The following ZNF541 variants were observed in gnomAD, a reference collection of about 807,000 sequenced individuals.
The protein encoded by ZNF541 is zinc finger protein 541.
A neutral mutation model predicts 123.5 loss-of-function variants in ZNF541; 23 were observed. The ratio of observed to expected loss-of-function variants is 0.19; its 90% CI spans 0.13 to 0.26. The LOEUF (loss-of-function observed/expected upper bound fraction) is 0.26, where lower values mean the gene tolerates loss of function less well. ZNF541 is among the 10% of genes least tolerant of loss of function. The pLI, the probability that ZNF541 is intolerant of heterozygous loss-of-function variation, is 1.00. For synonymous variants in ZNF541, 751 were observed against 754.5 expected, an observed-to-expected ratio of 1.00 and a Z score of 0.08; for missense variants, 1,612 against 1,789.9, an observed-to-expected ratio of 0.90 and a Z score of 1.79.
chr19:47,572,896 G>A (rs1207688382), intron 1 of ZNF541, among the ~76,000 whole-genome samples, 187 bp downstream of exon 1: 1 of 152,038 alleles, frequency 6.6e-6, no homozygotes. Context: ...ATGCGTGCGT[G>A]ACGCAGGGTG....
At chr19:47,547,159 C>A (rs1255182952) in intron 4 of ZNF541, among the ~76,000 whole-genome samples, 4 of 152,126 alleles carry the variant, frequency 2.6e-5, no homozygotes, top group African/African-American at 9.7e-5. Flanking sequence ...CAGAATTCTG[C>A]AGAATAGACT....
At chr19:47,557,091 A>G (rs1198670457) in intron 2 of ZNF541, among the ~76,000 whole-genome samples, 1 of 152,168 alleles carries the variant, frequency 6.6e-6, no homozygotes, top group East Asian at 1.9e-4. Context: ...AATGGGCTAA[A>G]TGCAACATGT....
At chr19:47,538,688 A>T (rs1969941608) in intron 8 of ZNF541, among the ~76,000 whole-genome samples, 1 of 152,156 alleles carries the variant, frequency 6.6e-6, no homozygotes, top group Non-Finnish European at 1.5e-5. Flanking sequence ...GAATAGCCTC[A>T]ATCATTAAGA....
At chr19:47,565,470 A>G (rs1205454126) in intron 2 of ZNF541, among the ~76,000 whole-genome samples, 4 of 152,170 alleles carry the variant, frequency 2.6e-5, no homozygotes, top group Non-Finnish European at 5.9e-5. Flanking sequence ...GCTAAAAAGA[A>G]GAGGATGGAG....
intron 5 of ZNF541, 82 bp from the exon 6 acceptor site, chr19:47,541,033 ACAT>A: frequency 7.6e-7 from 1 of 1,318,006 alleles, no homozygotes; most frequent in Non-Finnish European, 1.0e-6. Flanking sequence ...TTAGAAGAAA[ACAT>A]CAGAGTAAAT....
chr19:47,534,731 A>T (rs764403199), intron 9 of ZNF541, among the ~76,000 whole-genome samples: 10 of 152,138 alleles, frequency 6.6e-5, no homozygotes, highest in African/African-American at 9.7e-5. Flanking sequence ...ATACTGGCAT[A>T]AGGATAAGTA....
intron 2 of ZNF541, among the ~76,000 whole-genome samples, chr19:47,568,982 A>G (rs1397376937): frequency 6.6e-6 from 1 of 152,058 alleles, no homozygotes; most frequent in East Asian, 1.9e-4. Context: ...CACTCCAAAT[A>G]TTATTGTAAA....
chr19:47,522,333 C>A (rs1397168218), intron 14 of ZNF541, among the ~76,000 whole-genome samples: 1 of 152,198 alleles, frequency 6.6e-6, no homozygotes, highest in Non-Finnish European at 1.5e-5. Flanking sequence ...TCTCTGCAGG[C>A]AGAATACCAC....
intron 2 of ZNF541, among the ~76,000 whole-genome samples, chr19:47,569,002 C>G (rs1971374888): frequency 6.6e-6 from 1 of 152,114 alleles, no homozygotes; most frequent in African/African-American, 2.4e-5. Context: ...ACTATAGACC[C>G]ATTTTGTTTG....
chr19:47,533,526 C>T (rs1969680131), intron 9 of ZNF541, among the ~76,000 whole-genome samples: 1 of 151,822 alleles, frequency 6.6e-6, no homozygotes. Flanking sequence ...GGTCATTCAG[C>T]ACTTGGAGAA....
chr19:47,555,663 C>G lies in ZNF541; in HGVS notation c.194G>C (p.Ser65Thr). 1.3e-6 allele frequency: 2 copies of G among 1,551,760 alleles called. No homozygotes were observed. Among genetic ancestry groups the G allele is most frequent in the Non-Finnish European group, 1.7e-6 (2 of 1,147,008 alleles). The part of the protein sequence containing the change: ...DPSLPTPDMS[S>T]EVLEDNLDTL... ...GTCTAAGTTGTCCTCCAGCACCTCG[C>G]TGGACATGTCAGGCGTTGGGAGGCT... Residue 65 changes from serine to threonine, a missense_variant, in exon 3 of 17, where the codon AGC becomes ACC. Ser to Thr is a moderately conservative substitution (Grantham distance 58, BLOSUM62 1). This residue lies in a region of ZNF541 where 212 missense variants were observed against 289.6 expected (regional missense o/e 0.73). Coordinates refer to ENST00000391901, the MANE Select transcript of ZNF541 (RefSeq NM_001277075.3).
intron 3 of ZNF541, among the ~76,000 whole-genome samples, chr19:47,550,789 C>T (rs747730479): frequency 1.3e-5 from 2 of 151,772 alleles, no homozygotes; most frequent in Non-Finnish European, 2.9e-5. Context: ...TGGGACTACA[C>T]GGGCCACCAC....
chr19:47,544,443 T>C lies in ZNF541; in HGVS notation c.2086A>G (p.Thr696Ala), dbSNP rs1388994968. 11 of 1,551,492 alleles carry C rather than the reference T, an allele frequency of 7.1e-6. No individual in the cohort carries two copies. Among genetic ancestry groups the C allele is most frequent in the Admixed American group, 3.9e-5 (2 of 50,980 alleles). Residue 696 changes from threonine to alanine, a missense_variant, in exon 5 of 17, where the codon ACA (threonine) becomes GCA (alanine). Transcript: ENST00000391901. ...CCTAACTGGGTCTGCCGTTGGCCTG[T>C]GGAGGGGAAGATGTCCTCCAGGTCC... ...TLDLEDIFPS[T>A]GQRQTQLGGE...
intron 3 of ZNF541, among the ~76,000 whole-genome samples, chr19:47,554,409 C>G (rs926102775): frequency 6.6e-6 from 1 of 151,936 alleles, no homozygotes; most frequent in Non-Finnish European, 1.5e-5. Context: ...CCAGCCTGGG[C>G]GACAGAGCGA....
At chr19:47,532,544 G>A (rs1053156376) in intron 10 of ZNF541, among the ~76,000 whole-genome samples, 2 of 152,082 alleles carry the variant, frequency 1.3e-5, no homozygotes, top group African/African-American at 2.4e-5. Context: ...GCTGACACCC[G>A]GCATGTGTCT....
At chr19:47,542,516 G>A (rs1013569431) in intron 5 of ZNF541, among the ~76,000 whole-genome samples, 1 of 152,118 alleles carries the variant, frequency 6.6e-6, no homozygotes, top group Non-Finnish European at 1.5e-5. Flanking sequence ...GCTGGGCATG[G>A]TGATGTGTGC....
At chr19:47,569,721 A>T (rs1971406128) in intron 2 of ZNF541, among the ~76,000 whole-genome samples, 1 of 151,888 alleles carries the variant, frequency 6.6e-6, no homozygotes, top group Non-Finnish European at 1.5e-5. Flanking sequence ...CTACAAAAAA[A>T]ATCAAAAATT....
At chr19:47,528,829 G>C (rs1353682866) in intron 14 of ZNF541, 121 bp downstream of exon 14, 3 of 701,038 alleles carry the variant, frequency 4.3e-6, no homozygotes, top group Non-Finnish European at 7.4e-6. Context: ...ACTGTCTACA[G>C]TAAGAGTGCT....
chr19:47,545,113 C>T lies in ZNF541; in HGVS notation c.1416G>A (p.Leu472=). 1 of 1,482,684 alleles carries T rather than the reference C, an allele frequency of 6.7e-7. No homozygotes were observed. The highest frequency in any genetic ancestry group is 1.3e-5 in the South Asian group (1 of 76,264). 91.8% of individuals were successfully genotyped at this position (1,482,684 alleles called of 1,614,324 possible). A position where few individuals can be genotyped will look rare whatever the true frequency, so the allele number is the denominator to read the frequency against. The change falls in exon 5 of 17, where the codon CTG becomes CTA. Residue 472 remains leucine (L), a synonymous_variant. Transcript: ENST00000391901. This position sits in a 1 kb window ranked among gnomAD's most constrained non-coding sequence, Gnocchi z 7.5. ...CCCTGAGGAGCGCGGCAGGGAAGGG[C>T]AGAGCATCCTCCAGGCCACCGCCGG... The part of the protein sequence containing the change: ...PGPGGGLEDA[L]PFPAALLRVP...
Sources: gnomAD v4.1 joint callset for allele counts (sites outside exome capture counted in the v4.1 genomes callset) on GRCh38, gnomAD v4.1.1 for gene constraint, gnomAD v4.1.1 regional missense constraint, Gnocchi (gnomAD v3.1) non-coding constraint, MANE v1.5 for transcripts, NCBI Gene and HGNC (gene_info 2026-07-23, HGNC 2026-07-21) for gene names.